Variants in ELL observed in about 807,000 individuals in gnomAD.
The protein encoded by ELL is RNA polymerase II elongation factor ELL.
A neutral mutation model predicts 64.0 loss-of-function variants in ELL; 18 were observed. The ratio of observed to expected loss-of-function variants is 0.28; its 90% CI spans 0.19 to 0.42. ELL has a LOEUF of 0.42. ELL is among the 10% of genes least tolerant of loss of function. The pLI is 1.00. For synonymous variants in ELL, 399 were observed against 376.2 expected (o/e 1.06, Z -0.70); for missense variants, 797 against 870.4 (o/e 0.92, Z 1.06).
At chr19:18,516,642 G>A (rs114009173) in intron 1 of ELL, among the ~76,000 whole-genome samples, 28 of 152,146 alleles carry the variant, frequency 1.8e-4, no homozygotes, top group Non-Finnish European at 2.8e-4. Context: ...GGCTCTGTAC[G>A]AACCTCCAGG....
chr19:18,471,777 C>T (rs1446949515), intron 2 of ELL, among the ~76,000 whole-genome samples: 2 of 152,132 alleles, frequency 1.3e-5, no homozygotes, highest in African/African-American at 4.8e-5. Context: ...TTCTCTCATT[C>T]CCTGATTTTT....
intron 1 of ELL, among the ~76,000 whole-genome samples, chr19:18,509,464 G>A (rs1278732582): frequency 6.6e-6 from 1 of 152,132 alleles, no homozygotes; most frequent in Non-Finnish European, 1.5e-5. Flanking sequence ...GTGATGGGGT[G>A]GCCGCCCCCA....
intron 1 of ELL, among the ~76,000 whole-genome samples, chr19:18,485,273 C>T (rs1355301663): frequency 6.6e-6 from 1 of 152,204 alleles, no homozygotes; most frequent in Non-Finnish European, 1.5e-5. Context: ...ATCTCAACTC[C>T]CCTGCAGACA....
chr19:18,491,586 C>T (rs892998594), intron 1 of ELL, among the ~76,000 whole-genome samples: 1 of 151,922 alleles, frequency 6.6e-6, no homozygotes. Context: ...TTGACCTTGT[C>T]CCCCCAACCC....
intron 1 of ELL, among the ~76,000 whole-genome samples, chr19:18,479,015 T>G (rs967193099): frequency 6.6e-6 from 1 of 152,154 alleles, no homozygotes; most frequent in South Asian, 2.1e-4. Context: ...CCTGATCCTC[T>G]CCCCTCCGGC....
chr19:18,510,015 G>A (rs1160716069), intron 1 of ELL, among the ~76,000 whole-genome samples: 1 of 152,228 alleles, frequency 6.6e-6, no homozygotes, highest in Non-Finnish European at 1.5e-5. Context: ...GCCACTGAGA[G>A]GCTCAACCAC....
intron 1 of ELL, among the ~76,000 whole-genome samples, chr19:18,475,011 C>T (rs755241554): frequency 2.6e-5 from 4 of 152,184 alleles, no homozygotes; most frequent in Non-Finnish European, 2.9e-5. Context: ...GTAATCCCAA[C>T]TACTTGGGAG....
chr19:18,500,830 A>G (rs1351214260), intron 1 of ELL, among the ~76,000 whole-genome samples: 6 of 152,226 alleles, frequency 3.9e-5, no homozygotes, highest in Non-Finnish European at 8.8e-5. Flanking sequence ...ACTGAGGTAC[A>G]CTGAAGCATA....
chr19:18,490,651 TC>T (rs1975509188), intron 1 of ELL, among the ~76,000 whole-genome samples: 1 of 152,182 alleles, frequency 6.6e-6, no homozygotes, highest in Non-Finnish European at 1.5e-5. Context: ...CATGGTATCT[TC>T]CCGGCCAAGA....
rs142369147 is a variant in ELL, at chr19:18,457,225, G to A, written c.869+980C>T. Among the ~76,000 whole-genome samples the A allele has an allele frequency of 2.7e-3, 405 of 152,298 alleles. 5 individuals carry two copies. Among genetic ancestry groups the A allele is most frequent in the South Asian group, 0.024 (118 of 4,826 alleles). Reference sequence around the variant, plus strand: ...CTGCATCCCGGGGAAGCTCCCCGACGCCCCAGAGGTGCAGCCCAGCCTTCT... The same window carrying A: ...CTGCATCCCGGGGAAGCTCCCCGACACCCCAGAGGTGCAGCCCAGCCTTCT... On this transcript the variant is annotated intron_variant, in intron 6 of 11. Transcript: ENST00000262809.
intron 2 of ELL, among the ~76,000 whole-genome samples, chr19:18,467,741 C>T (rs1286457949): frequency 7.1e-6 from 1 of 140,602 alleles, no homozygotes; most frequent in African/African-American, 2.7e-5. Flanking sequence ...CCCACACACA[C>T]ACAAACACAA....
Position 18,444,873 on chromosome 19 carries a change from G to A in ELL, c.1750-5C>T. On this transcript the variant is annotated splice_region_variant and splice_polypyrimidine_tract_variant and intron_variant, in intron 11 of 11. Coordinates refer to ENST00000262809, the MANE Select transcript of ELL (RefSeq NM_006532.4). ...CTGGCTGTAGTTGGTGTTGGTCTGT[G>A]GGACAGCACAGTCATGCTCAGGACA... The A allele has an allele frequency of 2.5e-6, 4 of 1,610,270 alleles. No homozygotes were observed. The highest frequency in any genetic ancestry group is 1.3e-5 in the African/African-American group (1 of 74,992).
chr19:18,481,337 A>G (rs780855510), intron 1 of ELL, among the ~76,000 whole-genome samples: 2 of 152,180 alleles, frequency 1.3e-5, no homozygotes, highest in Non-Finnish European at 2.9e-5. Flanking sequence ...CTGAAATCCA[A>G]GTGTTAGCAG....
intron 1 of ELL, among the ~76,000 whole-genome samples, chr19:18,520,795 A>AC (rs1489149179): frequency 1.5e-5 from 2 of 130,102 alleles, no homozygotes; most frequent in Non-Finnish European, 3.1e-5. Context: ...GACTAGACCC[A>AC]CCCCCACTCC....
chr19:18,446,289 A>G lies in ELL; in HGVS notation c.1704+20T>C. On this transcript the variant is annotated intron_variant, in intron 10 of 11. Transcript: ENST00000262809. ...GCTCCCGCCAGAGCCAGGGCACAGT[A>G]GGCAGCGGGGGGGCTCTACCTCATA... The G allele has an allele frequency of 6.5e-7, 1 of 1,546,794 alleles. No homozygotes were observed.
chr19:18,445,213 G>C lies in ELL; in HGVS notation c.1749+11C>G. On this transcript the variant is annotated intron_variant, in intron 11 of 11. Coordinates refer to ENST00000262809, the MANE Select transcript of ELL (RefSeq NM_006532.4). The stretch of plus-strand genomic sequence containing the variant: ...TCACTTGGAGCCCACCCCAACACAA[G>C]AGACACTCACCTTTTTGATTTTTCG... 1 of 1,614,086 alleles carries C rather than the reference G, an allele frequency of 6.2e-7. No individual in the cohort carries two copies.
chr19:18,500,278 A>G (rs925088134), intron 1 of ELL, among the ~76,000 whole-genome samples: 2 of 151,598 alleles, frequency 1.3e-5, no homozygotes, highest in Non-Finnish European at 2.9e-5. Flanking sequence ...AAAAAAAAAA[A>G]AAGTGAGACC....
In ELL at chr19:18,465,792, C is replaced by A; in HGVS notation, c.305+5G>T. 7.0e-7 allele frequency: 1 copy of A among 1,418,860 alleles called. No individual in the cohort carries two copies. Among genetic ancestry groups the A allele is most frequent in the African/African-American group, 1.5e-5 (1 of 68,404 alleles). The allele number at this position is 1,418,860 out of a possible 1,614,324, so 87.9% of individuals were successfully genotyped here. ...GGGGTGCTCTGGGGTGGGGCGGCGCCTCACCTGGAGACATACTGCTGGATG... is the reference window on the plus strand; with the variant it reads ...GGGGTGCTCTGGGGTGGGGCGGCGCATCACCTGGAGACATACTGCTGGATG... On this transcript the variant is annotated splice_donor_5th_base_variant and intron_variant, in intron 3 of 11. Coordinates refer to ENST00000262809, the MANE Select transcript of ELL (RefSeq NM_006532.4).
intron 4 of ELL, among the ~76,000 whole-genome samples, chr19:18,462,299 T>C (rs1974838806): frequency 7.2e-6 from 1 of 138,970 alleles, no homozygotes; most frequent in African/African-American, 2.7e-5. Flanking sequence ...GCAATGTGTG[T>C]GTGCGTGTAT....
Sources: allele counts gnomAD v4.1 joint callset (sites outside exome capture counted in the v4.1 genomes callset), GRCh38; gene constraint gnomAD v4.1.1; transcripts MANE v1.5; gene names NCBI Gene and HGNC (gene_info 2026-07-23, HGNC 2026-07-21).